Variants in GALNTL6 observed in about 807,000 individuals in gnomAD.
GALNTL6 encodes polypeptide N-acetylgalactosaminyltransferase like 6, also known as polypeptide N-acetylgalactosaminyltransferase-like 6.
GALNTL6 carries 46 observed loss-of-function variants against 73.7 expected under a neutral mutation model. The ratio of observed to expected loss-of-function variants is 0.62; its 90% confidence interval spans 0.49 to 0.80. GALNTL6 has a LOEUF of 0.80. GALNTL6 is among the 30% of genes least tolerant of loss of function. GALNTL6 has a pLI of 0.00. For synonymous variants in GALNTL6, 259 were observed against 263.7 expected (o/e 0.98, Z 0.17); for missense variants, 604 against 755.0 (o/e 0.80, Z 2.34).
At chr4:172,487,279 T>TTTCTTTCC (rs11281424) in intron 5 of GALNTL6, among the ~76,000 whole-genome samples, 5,218 of 95,444 alleles carry the variant, frequency 0.055, 306 homozygotes, top group South Asian at 0.1. Context: ...TTCCTCTTTC[T>TTTCTTTCC]TTCTTTCCTT....
chr4:172,056,781 T>C lies in GALNTL6; in HGVS notation c.139-172875T>C, dbSNP rs185657021. Among the ~76,000 whole-genome samples, 6 of 152,180 alleles carry C rather than the reference T, an allele frequency of 3.9e-5. No individual in the cohort carries two copies. The East Asian group carries it at 1.2e-3, about 29-fold the overall frequency. On this transcript the variant is annotated intron_variant, in intron 2 of 12. Coordinates refer to ENST00000506823, the MANE Select transcript of GALNTL6 (RefSeq NM_001034845.3). ...GTGAACTGCTTATTGTGGTACTTTA[T>C]CTGGTTTATAGAAGTATCTTTTCAT...
intron 8 of GALNTL6, among the ~76,000 whole-genome samples, chr4:172,892,481 C>A (rs1335342033): frequency 6.6e-6 from 1 of 151,938 alleles, no homozygotes; most frequent in Admixed American, 6.6e-5. Context: ...GAAATTTTTT[C>A]TTTAGTGGTG....
intron 10 of GALNTL6, among the ~76,000 whole-genome samples, chr4:172,960,256 CA>C (rs766341354): frequency 6.6e-6 from 1 of 152,100 alleles, no homozygotes; most frequent in Non-Finnish European, 1.5e-5. Context: ...TGGGAGGGGT[CA>C]GATAAAGAAA....
chr4:172,290,116 A>G (rs1739411731), intron 3 of GALNTL6, among the ~76,000 whole-genome samples: 1 of 152,156 alleles, frequency 6.6e-6, no homozygotes, highest in South Asian at 2.1e-4. Flanking sequence ...CTGTAGGTAT[A>G]GGGACTTTCT....
chr4:172,472,437 A>G (rs1168018181), intron 5 of GALNTL6, among the ~76,000 whole-genome samples: 2 of 152,184 alleles, frequency 1.3e-5, no homozygotes, highest in African/African-American at 2.4e-5. Context: ...TTTATGGAAG[A>G]GGAAACTGAG....
At chr4:172,526,939 C>A (rs1174177417) in intron 5 of GALNTL6, among the ~76,000 whole-genome samples, 1 of 147,066 alleles carries the variant, frequency 6.8e-6, no homozygotes, top group African/African-American at 2.5e-5. Context: ...TCACCAGAAA[C>A]CAGAGCTGGT....
At chr4:172,646,798 A>G (rs1740263274) in intron 5 of GALNTL6, among the ~76,000 whole-genome samples, 2 of 152,078 alleles carry the variant, frequency 1.3e-5, no homozygotes. Flanking sequence ...AATCAATCAT[A>G]TTGTTTAACA....
intron 5 of GALNTL6, among the ~76,000 whole-genome samples, chr4:172,662,476 G>A (rs768654595): frequency 1.3e-5 from 2 of 152,148 alleles, no homozygotes; most frequent in Non-Finnish European, 2.9e-5. Context: ...TTTCTGCCAC[G>A]ATAATCGGCA....
At chr4:171,912,190 C>T (rs1461171049) in intron 2 of GALNTL6, among the ~76,000 whole-genome samples, 1 of 151,940 alleles carries the variant, frequency 6.6e-6, no homozygotes, top group East Asian at 1.9e-4. Context: ...TAAAGTAGAT[C>T]CTTTATATTT....
intron 8 of GALNTL6, among the ~76,000 whole-genome samples, chr4:172,929,216 C>G (rs750827979): frequency 6.6e-6 from 1 of 152,184 alleles, no homozygotes; most frequent in Non-Finnish European, 1.5e-5. Flanking sequence ...TCAATTACAG[C>G]AACTGAATGT....
rs754244891 is a variant in GALNTL6 at position 172,735,162 on chromosome 4, C to A, written c.554-74199C>A. Among the ~76,000 whole-genome samples, 11 of 152,112 alleles carry A rather than the reference C, an allele frequency of 7.2e-5. 1 individual carries two copies. The highest frequency in any genetic ancestry group is 1.6e-4 in the Non-Finnish European group (11 of 68,016). On this transcript the variant is annotated intron_variant, in intron 5 of 12. Transcript: ENST00000506823. ...ATCCATTGACAGCTTGCACTATGCACCTGGAAAAGCTGCAGACACTCAACA... is the reference window on the plus strand; with the variant it reads ...ATCCATTGACAGCTTGCACTATGCAACTGGAAAAGCTGCAGACACTCAACA...
chr4:172,856,149 C>T (rs572788368), intron 7 of GALNTL6, among the ~76,000 whole-genome samples: 41 of 152,298 alleles, frequency 2.7e-4, no homozygotes, highest in Admixed American at 5.2e-4. Context: ...CGTAGTTGGT[C>T]CTTCTTGCTG....
rs1357086845 is a variant in GALNTL6 at position 172,078,579 on chromosome 4, GAT to G, written c.139-151072_139-151071del. On this transcript the variant is annotated intron_variant, in intron 2 of 12. Coordinates refer to ENST00000506823, the MANE Select transcript of GALNTL6 (RefSeq NM_001034845.3). The stretch of plus-strand genomic sequence containing the variant: ...TTATTAGGTATGAATGATATACATG[GAT>G]ATATCTTAGATACTGAAAGGGAAGT... 7.2e-5 allele frequency among the ~76,000 whole-genome samples: 11 copies of G among 152,268 alleles called. No individual in the cohort carries two copies. In the East Asian group the frequency reaches 2.1e-3, roughly 29 times the overall value.
rs1341966085 is a variant in GALNTL6 at position 172,385,025 on chromosome 4, TTTG to T, written c.553+36339_553+36341del. ...TTCGTTTTTGTTGTTGTTTTGTTTTTTTGTTTTTTTTTTTTTACCCATTGGTTA... is the reference window on the plus strand; with the variant it reads ...TTCGTTTTTGTTGTTGTTTTGTTTTTTTTTTTTTTTTTTACCCATTGGTTA... On this transcript the variant is annotated intron_variant, in intron 5 of 12. Transcript: ENST00000506823. 3.6e-3 allele frequency among the ~76,000 whole-genome samples: 507 copies of T among 139,068 alleles called. 1 individual carries two copies. Among genetic ancestry groups the T allele is most frequent in the Non-Finnish European group, 5.9e-3 (387 of 65,724 alleles). 91.2% of individuals were successfully genotyped at this position (139,068 alleles called of 152,430 possible).
At chr4:172,592,084 A>T (rs548431579) in intron 5 of GALNTL6, among the ~76,000 whole-genome samples, 1 of 152,254 alleles carries the variant, frequency 6.6e-6, no homozygotes, top group African/African-American at 2.4e-5. Context: ...AGGCTGGGTA[A>T]TTTGTTTTAA....
rs57815105 is a variant in GALNTL6, at chr4:172,892,605, CTTTTT to C, written c.1041+9711_1041+9715del. ...GTCGGCTTTGTTCATATTTTTAATT[CTTTTT>C]TTTTTTTTTTTTAACTGCTGCATAT... is the stretch of plus-strand genomic sequence containing the variant. On this transcript the variant is annotated intron_variant, in intron 8 of 12. Transcript: ENST00000506823. Among the ~76,000 whole-genome samples, 84 of 137,834 alleles carry C rather than the reference CTTTTT, an allele frequency of 6.1e-4. 1 individual carries two copies. The highest frequency in any genetic ancestry group is 5.4e-4 in the Non-Finnish European group (34 of 63,072). 90.4% of individuals were successfully genotyped at this position (137,834 alleles called of 152,430 possible). A position where few individuals can be genotyped will look rare whatever the true frequency, so the allele number is the denominator to read the frequency against.
At chr4:172,086,262 T>G (rs1003646934) in intron 2 of GALNTL6, among the ~76,000 whole-genome samples, 1 of 152,112 alleles carries the variant, frequency 6.6e-6, no homozygotes, top group African/African-American at 2.4e-5. Context: ...TAATTATACA[T>G]GAAGATCTAT....
intron 2 of GALNTL6, among the ~76,000 whole-genome samples, chr4:172,151,329 T>C (rs1734080793): frequency 6.6e-6 from 1 of 152,198 alleles, no homozygotes; most frequent in Admixed American, 6.5e-5. Context: ...AAACAAGTTT[T>C]AAAAAGATTT....
At chr4:172,177,791 A>ATATATATGCACACACATATATGTGTGTG (rs1735074551) in intron 2 of GALNTL6, among the ~76,000 whole-genome samples, 2 of 101,738 alleles carry the variant, frequency 2.0e-5, no homozygotes, top group East Asian at 3.9e-4. Context: ...ACACATGTGT[A>ATATATATGCACACACATATATGTGTGTG]TATATATACA....
Sources: gnomAD v4.1 joint callset for allele counts (sites outside exome capture counted in the v4.1 genomes callset) on GRCh38, gnomAD v4.1.1 for gene constraint, MANE v1.5 for transcripts, NCBI Gene and HGNC (gene_info 2026-07-23, HGNC 2026-07-21) for gene names.